Variants in KCNAB2 observed in about 807,000 individuals in gnomAD.
The protein encoded by KCNAB2 is voltage-gated potassium channel subunit beta-2.
In KCNAB2, 29 loss-of-function variants were observed where a neutral mutation model predicts 63.6. That is an observed-to-expected ratio of 0.46 (90% CI 0.34 to 0.62). KCNAB2 has a LOEUF of 0.62. Among genes scored for constraint, KCNAB2 ranks in the 20% least tolerant of loss-of-function variants. KCNAB2 has a pLI of 0.01. For synonymous variants in KCNAB2, 222 were observed against 224.2 expected, an observed-to-expected ratio of 0.99 and a Z score of 0.09; for missense variants, 359 against 563.9, an observed-to-expected ratio of 0.64 and a Z score of 3.68.
intron 4 of KCNAB2, among the ~76,000 whole-genome samples, chr1:6,080,012 C>T (rs778381087): frequency 4.0e-4 from 61 of 152,276 alleles, no homozygotes; most frequent in Admixed American, 4.6e-4. Flanking sequence ...AGTGCAGAAA[C>T]ATATGGGTAG....
rs371203812 is a variant in KCNAB2 at position 6,100,384 on chromosome 1, C to G, written c.*1810C>G. The G allele has an allele frequency of 9.5e-6, 2 of 210,030 alleles. No individual in the cohort carries two copies. Among genetic ancestry groups the G allele is most frequent in the Non-Finnish European group, 1.9e-5 (2 of 106,120 alleles). The allele number at this position is 210,030 out of a possible 1,614,324, so 13.0% of individuals were successfully genotyped here. A position where few individuals can be genotyped will look rare whatever the true frequency, so the allele number is the denominator to read the frequency against. On this transcript the variant is annotated 3_prime_UTR_variant, in exon 16 of 16. Coordinates refer to ENST00000378083, the MANE Select transcript of KCNAB2 (RefSeq NM_001199862.2). ...CCTGTGAGTGTGGGGTGGGGAAGTC[C>G]CTTCCCAACGGAGGTCCCAGCCTAT...
rs572892667 is a variant in KCNAB2 at position 6,048,073 on chromosome 1, C to G, written c.-27+1890C>G. Among the ~76,000 whole-genome samples, 12 of 152,352 alleles carry G rather than the reference C, an allele frequency of 7.9e-5. No homozygotes were observed. The East Asian group carries it at 2.3e-3, about 29-fold the overall frequency. On this transcript the variant is annotated intron_variant, in intron 1 of 15. Transcript: ENST00000378083. ...CACAAAACCCATTCTGTCCTGCCCTCTCTCCCCTCTCCCACTCACATCCCC... is the reference window on the plus strand; with the variant it reads ...CACAAAACCCATTCTGTCCTGCCCTGTCTCCCCTCTCCCACTCACATCCCC...
chr1:6,025,958 C>G (rs573069096), intron 1 of KCNAB2: 1 of 154,830 alleles, frequency 6.5e-6, no homozygotes, highest in South Asian at 1.5e-4. Context: ...CAGCCGATCC[C>G]GGCACACAGC....
At position 6,003,269 on chromosome 1, in the gene KCNAB2, G is replaced by A. The variant is rs1414646476; in HGVS notation, c.-53+10481G>A. Among the ~76,000 whole-genome samples, 3 of 152,156 alleles carry A rather than the reference G, an allele frequency of 2.0e-5. No individual in the cohort carries two copies. Among genetic ancestry groups the A allele is most frequent in the Non-Finnish European group, 2.9e-5 (2 of 68,008 alleles). On this transcript the variant is annotated intron_variant, in intron 1 of 16. Coordinates refer to the KCNAB2 transcript ENST00000341524. This position sits in a 1 kb window ranked among gnomAD's most constrained non-coding sequence, Gnocchi z 4.1. ...AGCCCGGGTGGCCGGAGCCTCCTGC[G>A]GGATTCCCCATCCCACCCCTGGAAC...
At chr1:5,995,689 A>C (rs1483178402) in intron 1 of KCNAB2, among the ~76,000 whole-genome samples, 1 of 152,180 alleles carries the variant, frequency 6.6e-6, no homozygotes, top group Non-Finnish European at 1.5e-5. Context: ...GATGAAGGAA[A>C]GGAGGGACCC....
chr1:6,089,158 G>A (rs773367087), intron 8 of KCNAB2, 107 bp downstream of exon 8: 200 of 1,226,644 alleles, frequency 1.6e-4, no homozygotes, highest in Non-Finnish European at 2.2e-4. Flanking sequence ...ACCCACTGAG[G>A]GCCCAATCCC....
At chr1:6,077,711 T>TGGGCA (rs1400752307) in intron 4 of KCNAB2, among the ~76,000 whole-genome samples, 1 of 152,164 alleles carries the variant, frequency 6.6e-6, no homozygotes, top group Non-Finnish European at 1.5e-5. Flanking sequence ...GGCCTCCCGG[T>TGGGCA]GGGCAGAGCA....
chr1:6,078,325 C>T lies in KCNAB2; in HGVS notation c.301-3870C>T. On this transcript the variant is annotated intron_variant, in intron 4 of 15. Coordinates refer to ENST00000378083, the MANE Select transcript of KCNAB2 (RefSeq NM_001199862.2). The surrounding 1 kb of genome is among the most constrained non-coding windows in gnomAD (Gnocchi z 4.2). Reference sequence around the variant, plus strand: ...CCCACTGCAGAGTACTCACGTTAATCCCATCTGCAAAGTCCCTCTTTCTAC... The same window carrying T: ...CCCACTGCAGAGTACTCACGTTAATTCCATCTGCAAAGTCCCTCTTTCTAC... Among the ~76,000 whole-genome samples the T allele has an allele frequency of 6.6e-6, 1 of 152,360 alleles. No homozygotes were observed. Among genetic ancestry groups the T allele is most frequent in the East Asian group, 1.9e-4 (1 of 5,184 alleles).
At chr1:6,070,016 G>A (rs1663065396) in intron 2 of KCNAB2, among the ~76,000 whole-genome samples, 1 of 152,144 alleles carries the variant, frequency 6.6e-6, no homozygotes, top group Non-Finnish European at 1.5e-5. Flanking sequence ...ACCAAGGGGT[G>A]CCTCTTCTCT....
At chr1:6,059,745 G>A (rs3789552) in intron 2 of KCNAB2, among the ~76,000 whole-genome samples, 32,705 of 152,134 alleles carry the variant, frequency 0.21, 3,717 homozygotes, top group East Asian at 0.38. Flanking sequence ...TCTCACAGCC[G>A]CGGGCCTCTC....
intron 1 of KCNAB2, among the ~76,000 whole-genome samples, chr1:6,010,525 G>T (rs1658088371): frequency 6.6e-6 from 1 of 152,242 alleles, no homozygotes; most frequent in Non-Finnish European, 1.5e-5. Context: ...GGCAGCACAG[G>T]CCTTGCTCTG....
chr1:6,020,131 G>C (rs775675561), intron 1 of KCNAB2, among the ~76,000 whole-genome samples: 2 of 152,186 alleles, frequency 1.3e-5, no homozygotes, highest in Non-Finnish European at 2.9e-5. Context: ...TGTAAACCTA[G>C]TTATCTTGGT....
chr1:6,046,607 G>A (rs1185791358), intron 1 of KCNAB2, among the ~76,000 whole-genome samples: 2 of 152,252 alleles, frequency 1.3e-5, no homozygotes, highest in African/African-American at 2.4e-5. Context: ...CAGGAAGCAC[G>A]TGCTGAGGGA....
At chr1:6,048,501 G>A (rs777935128) in intron 1 of KCNAB2, among the ~76,000 whole-genome samples, 12 of 152,264 alleles carry the variant, frequency 7.9e-5, no homozygotes, top group Admixed American at 7.2e-4. Context: ...GACAAGCAGA[G>A]CTGCCCCTGT....
rs1211451567 is a variant in KCNAB2, at chr1:6,081,494, G to T, written c.301-701G>T. ...ACTGCCTTGGTTTCCTAGGACTGCT[G>T]TAACAAAGTAACATAACCTGGGGGC... On this transcript the variant is annotated intron_variant, in intron 4 of 15. Transcript: ENST00000378083. 2.0e-5 allele frequency among the ~76,000 whole-genome samples: 3 copies of T among 152,228 alleles called. No homozygotes were observed. In the South Asian group the frequency reaches 6.2e-4, roughly 31 times the overall value.
chr1:6,089,375 C>T (rs1252743326), intron 8 of KCNAB2, among the ~76,000 whole-genome samples: 1 of 152,238 alleles, frequency 6.6e-6, no homozygotes, highest in Non-Finnish European at 1.5e-5. Flanking sequence ...GCAATAGGGA[C>T]AGTAAGAGCG....
chr1:6,089,184 C>G (rs2100756188), intron 8 of KCNAB2, 133 bp downstream of exon 8: 1 of 945,660 alleles, frequency 1.1e-6, no homozygotes. Flanking sequence ...ACCCGGTGCT[C>G]TGGCCTGACC....
At chr1:5,993,491 A>G (rs806110) in intron 1 of KCNAB2, among the ~76,000 whole-genome samples, 12,336 of 152,122 alleles carry the variant, frequency 0.081, 670 homozygotes, top group Admixed American at 0.15. Context: ...AGGCCTTGGC[A>G]CAAAGCACTT....
intron 5 of KCNAB2, 119 bp from the exon 6 acceptor site, chr1:6,085,085 C>T: frequency 9.6e-7 from 1 of 1,039,502 alleles, no homozygotes; most frequent in Non-Finnish European, 1.5e-6. Context: ...TGTTAACAGC[C>T]TGGCTCTCTG....
Sources: gnomAD v4.1 joint callset for allele counts (sites outside exome capture counted in the v4.1 genomes callset) on GRCh38, gnomAD v4.1.1 for gene constraint, Gnocchi (gnomAD v3.1) non-coding constraint, MANE v1.5 for transcripts, NCBI Gene and HGNC (gene_info 2026-07-23, HGNC 2026-07-21) for gene names.